PDIA4: variants seen among roughly 807,000 people sequenced by gnomAD.
PDIA4 encodes protein disulfide-isomerase A4.
Under a neutral mutation model 62.1 loss-of-function variants are expected in PDIA4, and 33 were observed. That is an observed-to-expected ratio of 0.53 (90% CI 0.40 to 0.71). The LOEUF (loss-of-function observed/expected upper bound fraction) is 0.71. Among genes scored for constraint, PDIA4 ranks in the 30% least tolerant of loss-of-function variants. The pLI is 0.00. For missense variants in PDIA4, 804 were observed against 813.6 expected (o/e 0.99, Z 0.14); for synonymous variants, 341 against 324.1 (o/e 1.05, Z -0.56).
chr7:149,020,722 A>G (rs1824313479), intron 2 of PDIA4, among the ~76,000 whole-genome samples: 2 of 152,136 alleles, frequency 1.3e-5, no homozygotes. Context: ...CCATCAGAGG[A>G]CGTATTCATC....
Position 149,028,433 on chromosome 7 carries a change from C to T in PDIA4, c.-25G>A. 1 of 1,443,472 alleles carries T rather than the reference C, an allele frequency of 6.9e-7. No homozygotes were observed. The highest frequency in any genetic ancestry group is 9.2e-7 in the Non-Finnish European group (1 of 1,092,188). 89.4% of individuals were successfully genotyped at this position (1,443,472 alleles called of 1,614,324 possible). The stretch of plus-strand genomic sequence containing the variant: ...TGGTAGCGGGGGCGGAGCGCGGCCT[C>T]CTAGCGTCGGCGGCCGCTGAGCGCA... On this transcript the variant is annotated 5_prime_UTR_variant, in exon 1 of 10. Coordinates refer to ENST00000652332, the MANE Select transcript of PDIA4 (RefSeq NM_004911.5).
In PDIA4 at chr7:149,003,082, T is replaced by G. The variant is rs199685679; in HGVS notation, c.*712A>C. ...AGTTCTTAACGTTTTTAATCGTGTT[T>G]TATTCCATTGCCACAGCCTACTCTA... On this transcript the variant is annotated 3_prime_UTR_variant, in exon 10 of 10. Transcript: ENST00000652332. 85 of 169,500 alleles carry G rather than the reference T, an allele frequency of 5.0e-4. No individual in the cohort carries two copies. The highest frequency in any genetic ancestry group is 3.4e-3 in the South Asian group (17 of 4,934). The allele number at this position is 169,500 out of a possible 1,614,324, so 10.5% of individuals were successfully genotyped here.
At chr7:149,008,737 A>G (rs924004159) in intron 6 of PDIA4, among the ~76,000 whole-genome samples, 14 of 151,506 alleles carry the variant, frequency 9.2e-5, no homozygotes, top group African/African-American at 3.4e-4. Flanking sequence ...AGAAAAAGAA[A>G]AGAAAAAAAG....
At chr7:149,027,814 G>A (rs182928060) in intron 1 of PDIA4, 165 of 470,596 alleles carry the variant, frequency 3.5e-4, no homozygotes, top group African/African-American at 3.0e-3. Context: ...CCTTTCTCCA[G>A]AATCTATGGA....
Position 149,015,017 on chromosome 7 carries a change from G to C in PDIA4, c.501C>G (p.Val167=). Residue 167 remains valine, a synonymous_variant, in exon 4 of 10, where the codon GTC becomes GTG. Coordinates refer to ENST00000652332, the MANE Select transcript of PDIA4 (RefSeq NM_004911.5). ...QEEIVAKVRE[V]SQPDWTPPPE... ...GTGGAGGCGTCCAGTCGGGCTGGGA[G>C]ACTTCTCTGACCTTGGCAACAATTT... 6.2e-7 allele frequency: 1 copy of C among 1,614,230 alleles called. No homozygotes were observed. Among genetic ancestry groups the C allele is most frequent in the Non-Finnish European group, 8.5e-7 (1 of 1,180,048 alleles).
In PDIA4 at chr7:149,014,912, AT is replaced by A; in HGVS notation, c.605del (p.Tyr202LeufsTer54). 1.2e-6 allele frequency: 2 copies of A among 1,614,188 alleles called. No individual in the cohort carries two copies. The highest frequency in any genetic ancestry group is 1.7e-6 in the Non-Finnish European group (2 of 1,180,002). Reference protein sequence around the residue: ...NDADIILVEFYAPWCGHCKKL... With the variant: ...NDADIILVEFXAPWCGHCKKL... ...GCCTGACACCACCTTACCATGGGGC[AT>A]AAAACTCCACCAGAATGATATCTGC... is the stretch of plus-strand genomic sequence containing the variant. On this transcript the variant is annotated frameshift_variant, in exon 4 of 10. Coordinates refer to ENST00000652332, the MANE Select transcript of PDIA4 (RefSeq NM_004911.5). LOFTEE classifies it high-confidence loss of function.
Position 149,021,075 on chromosome 7 carries a change from T to C in PDIA4, c.161A>G (p.Asp54Gly). The change falls in exon 2 of 10, where the codon GAC (aspartate) becomes GGC (glycine). Residue 54 changes from aspartate (D) to glycine (G), a missense_variant. Asp to Gly is a moderately conservative substitution (Grantham distance 94, BLOSUM62 -1). Transcript: ENST00000652332. ...ATTTTCTTCCTTAACTTCCAAGTCG[T>C]CTTCTTCCTCATCATCATCTTCCTC... ...EEEEDDDEEE[D>G]DLEVKEENGV... 2 of 1,613,886 alleles carry C rather than the reference T, an allele frequency of 1.2e-6. No homozygotes were observed. The highest frequency in any genetic ancestry group is 1.3e-5 in the African/African-American group (1 of 75,044).
At chr7:149,028,299 C>CGCG (rs1405141266) in intron 1 of PDIA4, 22 bp downstream of exon 1, 1 of 1,505,610 alleles carries the variant, frequency 6.6e-7, no homozygotes, top group Admixed American at 2.0e-5. Flanking sequence ...ACAGCCCGAC[C>CGCG]CGCGGCGCGC....
In PDIA4 at chr7:149,012,357, A is replaced by G. The variant is rs1046863815; in HGVS notation, c.618T>C (p.Cys206=). ...IILVEFYAPW[C]GHCKKLAPEY... ...CGGGGGCAAGTTTCTTGCAGTGTCC[A>G]CACCTGCCAAGAGGAAACTGGTTTG... The change falls in exon 5 of 10, where the codon TGT becomes TGC. Residue 206 remains cysteine, a synonymous_variant. Transcript: ENST00000652332. 2.5e-6 allele frequency: 4 copies of G among 1,612,378 alleles called. No homozygotes were observed. The highest frequency in any genetic ancestry group is 1.3e-5 in the African/African-American group (1 of 74,838).
At chr7:149,024,757 A>G (rs1316481368) in intron 1 of PDIA4, among the ~76,000 whole-genome samples, 1 of 144,544 alleles carries the variant, frequency 6.9e-6, no homozygotes, top group Non-Finnish European at 1.5e-5. Flanking sequence ...TGGAGGTTGC[A>G]GTGAGCTGAG....
Position 149,012,278 on chromosome 7 carries a change from C to T in PDIA4, c.697G>A (p.Ala233Thr), listed in dbSNP as rs1168237267. 1 of 1,614,046 alleles carries T rather than the reference C, an allele frequency of 6.2e-7. No homozygotes were observed. The highest frequency in any genetic ancestry group is 1.3e-5 in the African/African-American group (1 of 74,998). ...GTTTCTGCGGTGGCGTCGACCTTTGCCAGGGGAATTGGAGGAGAACGCTTG... is the reference window on the plus strand; with the variant it reads ...GTTTCTGCGGTGGCGTCGACCTTTGTCAGGGGAATTGGAGGAGAACGCTTG... ...LSKRSPPIPLAKVDATAETDL... is the reference protein window; with the variant it reads ...LSKRSPPIPLTKVDATAETDL... Residue 233 changes from alanine to threonine, a missense_variant, in exon 5 of 10, where the codon GCA (alanine) becomes ACA (threonine). Transcript: ENST00000652332.
chr7:149,004,143 A>G lies in PDIA4; in HGVS notation c.1589T>C (p.Val530Ala). 1 of 1,614,130 alleles carries G rather than the reference A, an allele frequency of 6.2e-7. No homozygotes were observed. Among genetic ancestry groups the G allele is most frequent in the African/African-American group, 1.3e-5 (1 of 75,042 alleles). The change falls in exon 10 of 10, where the codon GTG becomes GCG. Residue 530 changes from valine to alanine, a missense_variant. By Grantham distance (64) the Val-to-Ala change is moderately conservative. Transcript: ENST00000652332. ...PKNNKGPVKVVVGKTFDSIVM... is the reference protein window; with the variant it reads ...PKNNKGPVKVAVGKTFDSIVM... ...AATGGAGTCAAAGGTCTTTCCCACC[A>G]CGACCTTGACGGGTCCCTTGTTGTT...
intron 7 of PDIA4, 78 bp from the exon 8 acceptor site, chr7:149,006,131 T>C (rs1823750761): frequency 6.9e-7 from 1 of 1,458,152 alleles, no homozygotes; most frequent in African/African-American, 1.6e-5. Flanking sequence ...TGAGGGACTT[T>C]GGGGGAGTGG....
chr7:149,003,998 C>T lies in PDIA4; in HGVS notation c.1734G>A (p.Leu578=), dbSNP rs748653496. 6.2e-7 allele frequency: 1 copy of T among 1,613,960 alleles called. No individual in the cohort carries two copies. Among genetic ancestry groups the T allele is most frequent in the Non-Finnish European group, 8.5e-7 (1 of 1,179,856 alleles). ...LAKKYKGQKG[L]VIAKMDATAN... is the part of the protein sequence containing the mutation. ...CAGTGGCGTCCATCTTGGCGATGACCAGGCCCTTTTGGCCCTTGTACTTCT... is the reference window on the plus strand; with the variant it reads ...CAGTGGCGTCCATCTTGGCGATGACTAGGCCCTTTTGGCCCTTGTACTTCT... Residue 578 remains leucine, a synonymous_variant, in exon 10 of 10, where the codon CTG becomes CTA. Coordinates refer to ENST00000652332, the MANE Select transcript of PDIA4 (RefSeq NM_004911.5).
At position 149,005,273 on chromosome 7, in the gene PDIA4, C is replaced by A; in HGVS notation, c.1390G>T (p.Asp464Tyr). ...DEEDYAGEVK[D>Y]LGLSESGEDV... ...TCCCCACTCTCGCTGAGCCCCAGGT[C>A]CTTCACCTCCCCAGCATAGTCCTCT... Residue 464 changes from aspartate (D) to tyrosine (Y), a missense_variant, in exon 9 of 10, where the codon GAC becomes TAC. Transcript: ENST00000652332. 6.2e-7 allele frequency: 1 copy of A among 1,614,142 alleles called. No homozygotes were observed. Among genetic ancestry groups the A allele is most frequent in the Non-Finnish European group, 8.5e-7 (1 of 1,179,976 alleles).
chr7:149,027,718 A>G, intron 1 of PDIA4: 1 of 380,196 alleles, frequency 2.6e-6, no homozygotes, highest in South Asian at 1.9e-5. Context: ...TCCTCCCAGA[A>G]CCCAGTACAG....
At chr7:149,006,453 CACA>C (rs150722205) in intron 7 of PDIA4, among the ~76,000 whole-genome samples, 3 of 152,362 alleles carry the variant, frequency 2.0e-5, no homozygotes, top group East Asian at 1.9e-4. Flanking sequence ...GCTCACACTT[CACA>C]ACGACTGGAG....
intron 1 of PDIA4, among the ~76,000 whole-genome samples, chr7:149,024,783 T>C (rs1448665078): frequency 7.9e-6 from 1 of 126,028 alleles, no homozygotes; most frequent in Admixed American, 9.3e-5. Flanking sequence ...ACCACTGCAC[T>C]CCAGCCTGGC....
chr7:149,012,437 C>G, intron 4 of PDIA4, 77 bp from the exon 5 acceptor site: 1 of 1,242,086 alleles, frequency 8.1e-7, no homozygotes, highest in Non-Finnish European at 1.2e-6. Flanking sequence ...CTGCAGAAAC[C>G]CATCCTGTGC....
Sources: allele counts gnomAD v4.1 joint callset (sites outside exome capture counted in the v4.1 genomes callset), GRCh38; gene constraint gnomAD v4.1.1; transcripts MANE v1.5; gene names NCBI Gene and HGNC (gene_info 2026-07-23, HGNC 2026-07-21).